NAALADL2: variants seen among roughly 807,000 people sequenced by gnomAD.
NAALADL2 encodes the protein inactive N-acetylated-alpha-linked acidic dipeptidase-like protein 2.
NAALADL2 carries 76 observed loss-of-function variants against 87.2 expected under a neutral mutation model. The ratio of observed to expected loss-of-function variants is 0.87; its 90% CI spans 0.72 to 1.05. The LOEUF (loss-of-function observed/expected upper bound fraction) is 1.05, where lower values mean the gene tolerates loss of function less well. NAALADL2 is among the 50% of genes least tolerant of loss of function. The pLI is 0.00. For missense variants in NAALADL2, 1,089 were observed against 945.8 expected (o/e 1.15, Z -1.99); for synonymous variants, 354 against 331.0 (o/e 1.07, Z -0.75).
intron 5 of NAALADL2, among the ~76,000 whole-genome samples, chr3:175,423,905 G>C (rs145336287): frequency 0.056 from 8,481 of 152,048 alleles, 258 homozygotes; most frequent in South Asian, 0.077. Flanking sequence ...GTTCCTATTT[G>C]TCCACATCCT....
At chr3:174,492,781 G>C (rs1229068865) in intron 1 of NAALADL2, among the ~76,000 whole-genome samples, 2 of 152,148 alleles carry the variant, frequency 1.3e-5, no homozygotes, top group African/African-American at 4.8e-5. Flanking sequence ...CATAGAATCA[G>C]AGATTTTGAT....
chr3:175,515,867 G>A (rs752564408), intron 9 of NAALADL2, among the ~76,000 whole-genome samples: 5 of 152,278 alleles, frequency 3.3e-5, no homozygotes, highest in Non-Finnish European at 5.9e-5. Context: ...TCATATGCCT[G>A]TACCTAAGTG....
chr3:174,964,907 A>G (rs1319888026), intron 1 of NAALADL2, among the ~76,000 whole-genome samples: 1 of 151,694 alleles, frequency 6.6e-6, no homozygotes, highest in Non-Finnish European at 1.5e-5. Flanking sequence ...TTGACATGAA[A>G]ATTGAAAATA....
intron 4 of NAALADL2, among the ~76,000 whole-genome samples, chr3:175,268,240 T>C (rs936321616): frequency 1.1e-4 from 16 of 152,196 alleles, no homozygotes; most frequent in African/African-American, 3.4e-4. Context: ...GATATTGCCA[T>C]GCTGAATACT....
intron 10 of NAALADL2, among the ~76,000 whole-genome samples, chr3:175,610,162 A>C (rs2149670931): frequency 6.6e-6 from 1 of 152,286 alleles, no homozygotes; most frequent in East Asian, 1.9e-4. Context: ...ATATGATCTC[A>C]TTTAAATACA....
chr3:175,580,029 A>G (rs1186094109), intron 10 of NAALADL2, among the ~76,000 whole-genome samples: 1 of 152,176 alleles, frequency 6.6e-6, no homozygotes, highest in South Asian at 2.1e-4. Context: ...TAGAGCATTT[A>G]ACATTTAAAT....
chr3:175,732,768 C>G (rs2150068945), intron 11 of NAALADL2, among the ~76,000 whole-genome samples: 1 of 152,138 alleles, frequency 6.6e-6, no homozygotes, highest in Non-Finnish European at 1.5e-5. Flanking sequence ...GGATAAGACT[C>G]TGCAAAGATA....
At chr3:174,906,139 A>T (rs975954857) in intron 1 of NAALADL2, among the ~76,000 whole-genome samples, 1 of 152,078 alleles carries the variant, frequency 6.6e-6, no homozygotes, top group Non-Finnish European at 1.5e-5. Context: ...TATATTTCTC[A>T]ATGATCTTTA....
rs567981822 is a variant in NAALADL2 at position 175,457,141 on chromosome 3, C to T, written c.1235-6260C>T. 1.5e-4 allele frequency among the ~76,000 whole-genome samples: 23 copies of T among 152,098 alleles called. No homozygotes were observed. In the East Asian group the frequency reaches 3.5e-3, roughly 23 times the overall value. On this transcript the variant is annotated intron_variant, in intron 6 of 13. Transcript: ENST00000454872. ...GTTGATGCCATTACTATGGATCCAA[C>T]GTTCGTCACTGTCTAATATGGGCTA...
At chr3:175,484,071 C>T (rs1560628704) in intron 9 of NAALADL2, among the ~76,000 whole-genome samples, 1 of 151,924 alleles carries the variant, frequency 6.6e-6, no homozygotes, top group East Asian at 1.9e-4. Flanking sequence ...TTTATTTGGG[C>T]AAGGGCTGAA....
At chr3:175,103,085 C>T (rs1190316353) in intron 2 of NAALADL2, among the ~76,000 whole-genome samples, 9 of 134,622 alleles carry the variant, frequency 6.7e-5, no homozygotes, top group Admixed American at 5.9e-4. Flanking sequence ...TCCAGCCAAA[C>T]GGCAGAGCGA....
chr3:174,556,780 A>G (rs906060779), intron 2 of NAALADL2, among the ~76,000 whole-genome samples: 1 of 152,020 alleles, frequency 6.6e-6, no homozygotes, highest in East Asian at 1.9e-4. Flanking sequence ...TTGCTTTGTC[A>G]CCCAGGTTGG....
chr3:175,180,441 G>A (rs1001105377), intron 2 of NAALADL2, among the ~76,000 whole-genome samples: 6 of 151,794 alleles, frequency 4.0e-5, no homozygotes, highest in Non-Finnish European at 8.8e-5. Context: ...GTAAAAGTGG[G>A]CACACAATTT....
chr3:175,705,417 G>A (rs1739543940), intron 11 of NAALADL2, among the ~76,000 whole-genome samples: 1 of 151,936 alleles, frequency 6.6e-6, no homozygotes, highest in Admixed American at 6.6e-5. Context: ...TATGGTATGT[G>A]CTAAAGGGAT....
intron 2 of NAALADL2, among the ~76,000 whole-genome samples, chr3:175,116,552 C>A (rs1004948444): frequency 2.6e-5 from 4 of 151,792 alleles, no homozygotes; most frequent in African/African-American, 7.2e-5. Flanking sequence ...CTTCAAGGAG[C>A]ACTACAAACC....
intron 1 of NAALADL2, among the ~76,000 whole-genome samples, chr3:174,968,949 T>C (rs1579780961): frequency 6.6e-6 from 1 of 152,178 alleles, no homozygotes; most frequent in African/African-American, 2.4e-5. Context: ...CAGCAATTCA[T>C]CCGTATCATC....
upstream of NAALADL2, among the ~76,000 whole-genome samples, chr3:174,858,290 A>G (rs1726083757): frequency 6.6e-6 from 1 of 151,536 alleles, no homozygotes; most frequent in Non-Finnish European, 1.5e-5. Context: ...AAGAAAGTGG[A>G]GATTGTTTTT....
At chr3:175,381,870 G>T (rs1270380569) in intron 5 of NAALADL2, among the ~76,000 whole-genome samples, 1 of 152,120 alleles carries the variant, frequency 6.6e-6, no homozygotes. Context: ...GGCAGCAGCG[G>T]GCCTGCATGC....
chr3:175,699,642 T>G (rs905766810), intron 11 of NAALADL2, among the ~76,000 whole-genome samples: 3 of 152,066 alleles, frequency 2.0e-5, no homozygotes, highest in Non-Finnish European at 4.4e-5. Context: ...AAGTATTAAT[T>G]AAACACCCAC....
Sources: gnomAD v4.1 joint callset for allele counts (sites outside exome capture counted in the v4.1 genomes callset) on GRCh38, gnomAD v4.1.1 for gene constraint, MANE v1.5 for transcripts, NCBI Gene and HGNC (gene_info 2026-07-23, HGNC 2026-07-21) for gene names.